Variants in ANKRD42 observed in about 807,000 individuals in gnomAD.
ANKRD42 encodes ankyrin repeat domain 42, also known as ankyrin repeat domain-containing protein 42.
Under a neutral mutation model 51.5 loss-of-function variants are expected in ANKRD42, and 43 were observed. The ratio of observed to expected loss-of-function variants is 0.83; its 90% CI spans 0.65 to 1.08. The LOEUF (loss-of-function observed/expected upper bound fraction) is 1.08. ANKRD42 is among the 50% of genes least tolerant of loss of function. The probability of loss-of-function intolerance (pLI) is 0.00; values close to 1 mark genes in which losing one functional copy is unlikely to be tolerated. For synonymous variants in ANKRD42, 203 were observed against 213.0 expected, an observed-to-expected ratio of 0.95 and a Z score of 0.41; for missense variants, 608 against 629.3, an observed-to-expected ratio of 0.97 and a Z score of 0.36.
In ANKRD42 at chr11:83,193,745, C is replaced by T. The variant is rs1248098715; in HGVS notation, c.-926C>T. ...CCAAGGCGACGGCCCTGCTGCCTCT[C>T]CAGCCAAGTGGCTGGAGTCGGGAGG... On this transcript the variant is annotated 5_prime_UTR_variant, in exon 1 of 11. Transcript: ENST00000533342. 1 of 426,618 alleles carries T rather than the reference C, an allele frequency of 2.3e-6. No homozygotes were observed. Among genetic ancestry groups the T allele is most frequent in the Non-Finnish European group, 4.7e-6 (1 of 213,666 alleles). 26.4% of individuals were successfully genotyped at this position (426,618 alleles called of 1,614,324 possible). A position where few individuals can be genotyped will look rare whatever the true frequency, so the allele number is the denominator to read the frequency against.
At chr11:83,220,809 T>G (rs1862697361) in intron 5 of ANKRD42, among the ~76,000 whole-genome samples, 1 of 152,244 alleles carries the variant, frequency 6.6e-6, no homozygotes. Flanking sequence ...GCTTTTAAGA[T>G]CCTTCCTTTG....
Position 83,248,336 on chromosome 11 carries a change from C to CACACA in ANKRD42, c.*132_*133insACACA, listed in dbSNP as rs911543075. 5.4e-6 allele frequency: 7 copies of CACACA among 1,300,930 alleles called. No homozygotes were observed. The African/African-American group carries it at 1.1e-4, about 20-fold the overall frequency. The allele number at this position is 1,300,930 out of a possible 1,614,324, so 80.6% of individuals were successfully genotyped here. ...ACACACACACACACACACACACACA[C>CACACA]TCTATATGTAACTATAACTTTCTAG... On this transcript the variant is annotated 3_prime_UTR_variant, in exon 11 of 11. Coordinates refer to ENST00000533342, the MANE Select transcript of ANKRD42 (RefSeq NM_001300975.2).
chr11:83,256,273 C>A (rs1321518372), downstream of ANKRD42, among the ~76,000 whole-genome samples: 1 of 152,030 alleles, frequency 6.6e-6, no homozygotes, highest in African/African-American at 2.4e-5. Flanking sequence ...ATTAAAAATT[C>A]AATTATGGTT....
At chr11:83,250,055 A>G (rs1206938993), downstream of ANKRD42, among the ~76,000 whole-genome samples, 2 of 152,104 alleles carry the variant, frequency 1.3e-5, no homozygotes, top group Non-Finnish European at 2.9e-5. Context: ...GTAGAGCCAC[A>G]TGCAGCTAAG....
At chr11:83,219,309 G>A (rs546234536) in intron 5 of ANKRD42, among the ~76,000 whole-genome samples, 2 of 152,336 alleles carry the variant, frequency 1.3e-5, no homozygotes, top group African/African-American at 4.8e-5. Flanking sequence ...TGGGGCACAA[G>A]GACTGTTGAA....
intron 5 of ANKRD42, among the ~76,000 whole-genome samples, chr11:83,216,330 CTT>C (rs1232280858): frequency 2.1e-5 from 3 of 144,152 alleles, no homozygotes; most frequent in African/African-American, 5.1e-5. Flanking sequence ...TTTACCATTT[CTT>C]TTTTTTTTTT....
At chr11:83,217,527 T>A (rs472431) in intron 5 of ANKRD42, among the ~76,000 whole-genome samples, 77,002 of 152,046 alleles carry the variant, frequency 0.51, 21,506 homozygotes, top group African/African-American at 0.76. Flanking sequence ...ATTGAAACTG[T>A]GAAGGCTGTG....
intron 9 of ANKRD42, among the ~76,000 whole-genome samples, chr11:83,241,734 C>G (rs1332963829): frequency 2.0e-5 from 3 of 152,036 alleles, no homozygotes; most frequent in Non-Finnish European, 4.4e-5. Context: ...AAAATCTCAG[C>G]ATATAGATTT....
intron 7 of ANKRD42, among the ~76,000 whole-genome samples, chr11:83,235,279 A>C (rs1445364254): frequency 6.6e-6 from 1 of 152,216 alleles, no homozygotes; most frequent in Non-Finnish European, 1.5e-5. Flanking sequence ...CTAAGGATCA[A>C]ATTATTGAGG....
chr11:83,209,737 T>G, intron 3 of ANKRD42: 1 of 669,442 alleles, frequency 1.5e-6, no homozygotes, highest in Non-Finnish European at 2.7e-6. Flanking sequence ...GTTTCTCACT[T>G]TCATATTTAG....
chr11:83,206,542 G>A (rs1053222220), intron 3 of ANKRD42, among the ~76,000 whole-genome samples: 1 of 152,176 alleles, frequency 6.6e-6, no homozygotes, highest in East Asian at 1.9e-4. Context: ...ATTAGGTCAT[G>A]AGGGGTTTGC....
intron 5 of ANKRD42, chr11:83,214,420 A>G (rs1222772115): frequency 1.0e-6 from 1 of 981,844 alleles, no homozygotes; most frequent in Non-Finnish European, 1.2e-6. Flanking sequence ...AATATACTTG[A>G]TCATTTTTGT....
chr11:83,254,314 T>C (rs185682207), intron 11 of ANKRD42, among the ~76,000 whole-genome samples: 130 of 152,136 alleles, frequency 8.5e-4, no homozygotes, highest in African/African-American at 2.9e-3. Context: ...CACTAGGAAA[T>C]TGGCTACATC....
intron 3 of ANKRD42, among the ~76,000 whole-genome samples, chr11:83,208,677 CAG>C (rs1862181049): frequency 6.6e-6 from 1 of 151,994 alleles, no homozygotes; most frequent in Non-Finnish European, 1.5e-5. Flanking sequence ...GTCAGAATAA[CAG>C]ATAATTATGA....
chr11:83,222,607 G>T lies in ANKRD42; in HGVS notation c.587-2248G>T, dbSNP rs560371256. ...AGCAGATTTTGTGGATATCCTGGAG[G>T]AAGAACATTTCAGGTAGAGGTAACA... On this transcript the variant is annotated intron_variant, in intron 5 of 10. Coordinates refer to ENST00000533342, the MANE Select transcript of ANKRD42 (RefSeq NM_001300975.2). 1.7e-4 allele frequency among the ~76,000 whole-genome samples: 26 copies of T among 152,314 alleles called. 1 individual carries two copies. In the South Asian group the frequency reaches 5.4e-3, roughly 32 times the overall value.
intron 11 of ANKRD42, among the ~76,000 whole-genome samples, chr11:83,254,862 A>AC (rs1315057186): frequency 1.3e-5 from 2 of 152,092 alleles, no homozygotes; most frequent in African/African-American, 4.8e-5. Context: ...TTTTCAAGAG[A>AC]CCATCTGTAT....
intron 5 of ANKRD42, among the ~76,000 whole-genome samples, chr11:83,224,642 G>C (rs896493670): frequency 2.6e-5 from 4 of 151,972 alleles, no homozygotes; most frequent in African/African-American, 7.3e-5. Flanking sequence ...ATTCTGCCAG[G>C]CATGGTAGCT....
At chr11:83,247,296 T>C (rs1025429275) in intron 10 of ANKRD42, among the ~76,000 whole-genome samples, 12 of 152,112 alleles carry the variant, frequency 7.9e-5, no homozygotes, top group African/African-American at 2.9e-4. Context: ...CTCAAATTCC[T>C]GGCCTCAAGT....
chr11:83,212,210 G>A (rs1289732104), intron 5 of ANKRD42, among the ~76,000 whole-genome samples: 2 of 151,668 alleles, frequency 1.3e-5, no homozygotes, highest in East Asian at 3.9e-4. Context: ...AGCGTCCTTC[G>A]TAGCTGGGTT....
Sources: gnomAD v4.1 joint callset for allele counts (sites outside exome capture counted in the v4.1 genomes callset) on GRCh38, gnomAD v4.1.1 for gene constraint, MANE v1.5 for transcripts, NCBI Gene and HGNC (gene_info 2026-07-23, HGNC 2026-07-21) for gene names.